The following DACH2 variants were observed in gnomAD, a reference collection of about 807,000 sequenced individuals.
The protein encoded by DACH2 is dachshund family transcription factor 2, also known as dachshund homolog 2.
Under a neutral mutation model 35.8 loss-of-function variants are expected in DACH2, and 17 were observed. The observed-to-expected ratio is 0.48, with a 90% CI of 0.33 to 0.71. The LOEUF is 0.71. DACH2 is among the 30% of genes least tolerant of loss of function. The probability of loss-of-function intolerance (pLI) is 0.02; values close to 1 mark genes in which losing one functional copy is unlikely to be tolerated. For synonymous variants in DACH2, 195 were observed against 177.3 expected, an observed-to-expected ratio of 1.10 and a Z score of -0.79; for missense variants, 469 against 472.7, an observed-to-expected ratio of 0.99 and a Z score of 0.07.
chrX:86,393,331 C>T (rs915485493), intron 2 of DACH2, among the ~76,000 whole-genome samples: 2 of 111,759 alleles, frequency 1.8e-5, no homozygotes, highest in Admixed American at 9.6e-5. Flanking sequence ...ATATGCCTAT[C>T]AACTAGATTC....
chrX:86,708,923 G>A (rs1011391733), intron 5 of DACH2, among the ~76,000 whole-genome samples: 1 of 111,438 alleles, frequency 9.0e-6, no homozygotes, highest in Non-Finnish European at 1.9e-5. Flanking sequence ...AATAAATGGA[G>A]AGATATCTTA....
intron 2 of DACH2, among the ~76,000 whole-genome samples, chrX:86,503,139 A>T (rs1024967943): frequency 2.7e-5 from 3 of 112,350 alleles, no homozygotes; most frequent in African/African-American, 9.7e-5. Flanking sequence ...TAAATTTCAA[A>T]GAGGTTTTTA....
At chrX:86,314,534 G>A (rs1026926287) in intron 1 of DACH2, among the ~76,000 whole-genome samples, 2 of 111,256 alleles carry the variant, frequency 1.8e-5, no homozygotes, top group African/African-American at 3.3e-5. Context: ...AAAGAGGAGA[G>A]AAATGATTAA....
At chrX:86,652,753 A>C (rs2040491861) in intron 4 of DACH2, among the ~76,000 whole-genome samples, 1 of 111,779 alleles carries the variant, frequency 8.9e-6, no homozygotes, top group Admixed American at 9.5e-5. Context: ...TCTTTAGAAA[A>C]GTGTCTGTTC....
chrX:86,478,522 T>C (rs2037883721), intron 2 of DACH2, among the ~76,000 whole-genome samples: 1 of 107,651 alleles, frequency 9.3e-6, no homozygotes, highest in Admixed American at 1.0e-4. Context: ...CTGCTTTTAG[T>C]TTTTTTCTTT....
chrX:86,644,951 A>C (rs758257090), intron 3 of DACH2, among the ~76,000 whole-genome samples: 6 of 110,822 alleles, frequency 5.4e-5, no homozygotes, highest in African/African-American at 2.0e-4. Flanking sequence ...ATAACCAAAA[A>C]CTATAAAAAC....
At chrX:86,472,753 G>A (rs2037780599) in intron 2 of DACH2, among the ~76,000 whole-genome samples, 1 of 111,799 alleles carries the variant, frequency 8.9e-6, no homozygotes, top group Admixed American at 9.5e-5. Flanking sequence ...TCAATTCCAT[G>A]TAGATTTAAT....
chrX:86,510,706 A>G (rs887454927), intron 2 of DACH2, among the ~76,000 whole-genome samples: 1 of 111,342 alleles, frequency 9.0e-6, no homozygotes, highest in Non-Finnish European at 1.9e-5. Context: ...TAGCTGAGGT[A>G]TTTATTAAGT....
At chrX:86,747,288 G>A (rs1222407168) in intron 7 of DACH2, among the ~76,000 whole-genome samples, 1 of 111,367 alleles carries the variant, frequency 9.0e-6, no homozygotes, top group Non-Finnish European at 1.9e-5. Flanking sequence ...CATATCAGCA[G>A]TATTAAGCAG....
chrX:86,685,727 T>G (rs922711237), intron 4 of DACH2, among the ~76,000 whole-genome samples: 3 of 110,802 alleles, frequency 2.7e-5, no homozygotes, highest in African/African-American at 9.9e-5. Context: ...GCACATCACA[T>G]GGCAAAAGCA....
At chrX:86,328,863 GTAGTCTGACTGAT>G (rs1363831140) in intron 1 of DACH2, among the ~76,000 whole-genome samples, 1 of 111,732 alleles carries the variant, frequency 8.9e-6, no homozygotes, top group Non-Finnish European at 1.9e-5. Flanking sequence ...TGCATCTCTA[GTAGTCTGACTGAT>G]AAAGCTATTA....
intron 7 of DACH2, among the ~76,000 whole-genome samples, chrX:86,745,103 T>C (rs1489274645): frequency 1.8e-5 from 2 of 111,370 alleles, no homozygotes; most frequent in Non-Finnish European, 3.8e-5. Flanking sequence ...GCTACAGAAA[T>C]AGTGGAACAA....
At chrX:86,479,109 G>C (rs1322235747) in intron 2 of DACH2, among the ~76,000 whole-genome samples, 2 of 110,967 alleles carry the variant, frequency 1.8e-5, no homozygotes, top group East Asian at 5.7e-4. Context: ...ACTCTCCTCT[G>C]ACTGAATTCC....
intron 2 of DACH2, among the ~76,000 whole-genome samples, chrX:86,424,312 A>G (rs184978503): frequency 5.2e-4 from 58 of 111,362 alleles, no homozygotes; most frequent in Middle Eastern, 4.7e-3. Flanking sequence ...CTTCCAATCC[A>G]TGAAAATGAA....
At chrX:86,656,752 TTAAG>T (rs1763262644) in intron 4 of DACH2, among the ~76,000 whole-genome samples, 1 of 106,147 alleles carries the variant, frequency 9.4e-6, no homozygotes, top group African/African-American at 3.4e-5. Flanking sequence ...TTCTCTTCAA[TTAAG>T]TAAGATATAG....
chrX:86,328,436 A>T (rs746391697), intron 1 of DACH2, among the ~76,000 whole-genome samples: 6 of 111,878 alleles, frequency 5.4e-5, no homozygotes, highest in Non-Finnish European at 1.1e-4. Context: ...CTCAAAATTG[A>T]TTTTTCAAGT....
At position 86,701,704 on chromosome X, in the gene DACH2, T is replaced by C. The variant is rs188206889; in HGVS notation, c.931+6525T>C. Among the ~76,000 whole-genome samples, 674 of 112,029 alleles carry C rather than the reference T, an allele frequency of 6.0e-3. 6 individuals carry two copies. The highest frequency in any genetic ancestry group is 0.021 in the African/African-American group (641 of 30,876). ...ACAGCCATAAAACAGAATTAGATCC[T>C]GTTCTCTGCAACAGCATGGATGGAG... On this transcript the variant is annotated intron_variant, in intron 5 of 11. Transcript: ENST00000373125.
intron 2 of DACH2, among the ~76,000 whole-genome samples, chrX:86,434,165 C>A (rs763158558): frequency 9.0e-6 from 1 of 111,682 alleles, no homozygotes; most frequent in Non-Finnish European, 1.9e-5. Context: ...AAAGACACAG[C>A]GATTTTTATT....
intron 7 of DACH2, among the ~76,000 whole-genome samples, chrX:86,803,267 G>A (rs925598615): frequency 9.0e-6 from 1 of 111,553 alleles, no homozygotes; most frequent in Non-Finnish European, 1.9e-5. Flanking sequence ...GGGAGAGAAA[G>A]GTTTATGCTT....
Sources: gnomAD v4.1 joint callset for allele counts (sites outside exome capture counted in the v4.1 genomes callset) on GRCh38, gnomAD v4.1.1 for gene constraint, MANE v1.5 for transcripts, NCBI Gene and HGNC (gene_info 2026-07-23, HGNC 2026-07-21) for gene names.